Variants in ZDHHC4 observed in about 807,000 individuals in gnomAD.
The protein encoded by ZDHHC4 is palmitoyltransferase ZDHHC4.
Under a neutral mutation model 36.7 loss-of-function variants are expected in ZDHHC4, and 42 were observed. The observed-to-expected ratio is 1.14, with a 90% CI of 0.89 to 1.48. ZDHHC4 has a LOEUF of 1.48. ZDHHC4 is among the 40% of genes most tolerant of loss of function. The probability of loss-of-function intolerance (pLI) is 0.00; values close to 1 mark genes in which losing one functional copy is unlikely to be tolerated. For missense variants in ZDHHC4, 457 were observed against 421.5 expected (o/e 1.08, Z -0.74); for synonymous variants, 189 against 166.6 (o/e 1.13, Z -1.03).
At chr7:6,582,667 G>A (rs904512979) in intron 5 of ZDHHC4, among the ~76,000 whole-genome samples, 1 of 152,000 alleles carries the variant, frequency 6.6e-6, no homozygotes, top group Non-Finnish European at 1.5e-5. Flanking sequence ...ACAGGCGTGC[G>A]CCACCACACC....
chr7:6,581,889 G>A (rs1401528146), intron 4 of ZDHHC4, among the ~76,000 whole-genome samples, 184 bp from the exon 5 acceptor site: 1 of 152,164 alleles, frequency 6.6e-6, no homozygotes, highest in Non-Finnish European at 1.5e-5. Context: ...CTTTTAAAAA[G>A]CGATATTTAC....
At chr7:6,586,392 C>G (rs1781248364) in intron 7 of ZDHHC4, among the ~76,000 whole-genome samples, 1 of 152,170 alleles carries the variant, frequency 6.6e-6, no homozygotes, top group Non-Finnish European at 1.5e-5. Flanking sequence ...TAAATGGAAT[C>G]ATGCAATATA....
At chr7:6,584,924 C>G (rs1781125157) in intron 6 of ZDHHC4, 92 bp from the exon 7 acceptor site, 1 of 1,533,098 alleles carries the variant, frequency 6.5e-7, no homozygotes, top group Non-Finnish European at 8.8e-7. Context: ...GATGACACAT[C>G]CAGTGGACAG....
chr7:6,585,101 C>A lies in ZDHHC4; in HGVS notation c.582C>A (p.Phe194Leu). 1 of 1,614,132 alleles carries A rather than the reference C, an allele frequency of 6.2e-7. No individual in the cohort carries two copies. Among genetic ancestry groups the A allele is most frequent in the Non-Finnish European group, 8.5e-7 (1 of 1,180,026 alleles). ...TCGGGGCCTGGAACATCAGGTACTT[C>A]CTCATCTACGTCTTGACCTTGACGG... ...NCIGAWNIRY[F>L]LIYVLTLTAS... The change falls in exon 7 of 8, where the codon TTC becomes TTA. Residue 194 changes from phenylalanine (F) to leucine (L), a missense_variant. Physicochemically the swap from Phe to Leu is conservative, Grantham distance 22. Coordinates refer to ENST00000335965, the MANE Select transcript of ZDHHC4 (RefSeq NM_001134389.2).
At chr7:6,586,041 T>C (rs1313651465) in intron 7 of ZDHHC4, among the ~76,000 whole-genome samples, 1 of 151,712 alleles carries the variant, frequency 6.6e-6, no homozygotes, top group African/African-American at 2.4e-5. Context: ...TAGTCCCAGC[T>C]ACTCGGGAGG....
intron 7 of ZDHHC4, among the ~76,000 whole-genome samples, chr7:6,587,954 C>T (rs534882157): frequency 5.3e-5 from 8 of 152,330 alleles, no homozygotes; most frequent in Admixed American, 3.3e-4. Flanking sequence ...TAACCTTCAC[C>T]GCCCGGGTTG....
chr7:6,583,000 A>T (rs1562541872), intron 5 of ZDHHC4, among the ~76,000 whole-genome samples: 1 of 152,036 alleles, frequency 6.6e-6, no homozygotes, highest in Non-Finnish European at 1.5e-5. Context: ...GTGAAACCCC[A>T]TCTGTATTAA....
At chr7:6,586,918 C>G (rs1781282739) in intron 7 of ZDHHC4, among the ~76,000 whole-genome samples, 1 of 152,026 alleles carries the variant, frequency 6.6e-6, no homozygotes, top group African/African-American at 2.4e-5. Context: ...CATTCATGTA[C>G]AAGTTTTTTG....
At chr7:6,578,122 G>C (rs112137370) in intron 1 of ZDHHC4, among the ~76,000 whole-genome samples, 19 of 151,750 alleles carry the variant, frequency 1.3e-4, no homozygotes, top group African/African-American at 4.4e-4. Flanking sequence ...GAGCCACCGC[G>C]CCCGGCCTCT....
intron 4 of ZDHHC4, 138 bp downstream of exon 4, chr7:6,581,818 G>A (rs1204688295): frequency 1.3e-6 from 1 of 799,874 alleles, no homozygotes; most frequent in Non-Finnish European, 2.0e-6. Flanking sequence ...CACGAGTCCT[G>A]AGTTGGGAGC....
intron 6 of ZDHHC4, 118 bp downstream of exon 6, chr7:6,583,549 G>A (rs950072005): frequency 9.6e-6 from 13 of 1,351,978 alleles, no homozygotes; most frequent in Non-Finnish European, 1.3e-5. Context: ...GATATGGTGT[G>A]GCCACTACTT....
chr7:6,585,661 C>G (rs965101306), intron 7 of ZDHHC4, among the ~76,000 whole-genome samples: 1 of 151,404 alleles, frequency 6.6e-6, no homozygotes, highest in Non-Finnish European at 1.5e-5. Context: ...AAAAAATTAG[C>G]TGGGTGTGGT....
At chr7:6,583,107 G>A (rs1780976489) in intron 5 of ZDHHC4, among the ~76,000 whole-genome samples, 199 bp from the exon 6 acceptor site, 1 of 152,002 alleles carries the variant, frequency 6.6e-6, no homozygotes, top group Non-Finnish European at 1.5e-5. Context: ...CTGAACCTGA[G>A]AGGCAGAGGT....
chr7:6,578,006 T>C (rs897791435), intron 1 of ZDHHC4, among the ~76,000 whole-genome samples: 1 of 152,156 alleles, frequency 6.6e-6, no homozygotes, highest in African/African-American at 2.4e-5. Context: ...ATTTTTTTTG[T>C]ATTTAGTAGA....
intron 7 of ZDHHC4, among the ~76,000 whole-genome samples, chr7:6,585,770 C>T (rs560012619): frequency 6.6e-6 from 1 of 152,288 alleles, no homozygotes; most frequent in South Asian, 2.1e-4. Flanking sequence ...TGCACCACTG[C>T]ACTCCAGCCT....
intron 2 of ZDHHC4, among the ~76,000 whole-genome samples, chr7:6,579,741 G>A (rs1256477016): frequency 6.6e-6 from 1 of 152,218 alleles, no homozygotes; most frequent in Non-Finnish European, 1.5e-5. Context: ...TTCATGCCTG[G>A]GGGCAAGGAA....
rs1422526821 is a variant in ZDHHC4, at chr7:6,589,193, T to C, written c.*283T>C. 2.6e-5 allele frequency: 11 copies of C among 418,530 alleles called. No individual in the cohort carries two copies. The highest frequency in any genetic ancestry group is 4.0e-5 in the African/African-American group (2 of 50,072). The allele number at this position is 418,530 out of a possible 1,614,324, so 25.9% of individuals were successfully genotyped here. On this transcript the variant is annotated 3_prime_UTR_variant, in exon 8 of 8. Coordinates refer to ENST00000335965, the MANE Select transcript of ZDHHC4 (RefSeq NM_001134389.2). ...TTGGTGTCTCTAAACTCTGGGCATG[T>C]GGACAGGAGGGGCTTGCGGCCGTGT...
rs372308448 is a variant in ZDHHC4, at chr7:6,588,625, C to G, written c.750C>G (p.Phe250Leu). The G allele has an allele frequency of 1.7e-5, 28 of 1,613,968 alleles. No individual in the cohort carries two copies. The Admixed American group carries it at 2.3e-4, about 13-fold the overall frequency. Residue 250 changes from phenylalanine (F) to leucine (L), a missense_variant, in exon 8 of 8, where the codon TTC becomes TTG. By Grantham distance (22) the Phe-to-Leu change is conservative (BLOSUM62 0). Transcript: ENST00000335965. ...MDTVFLIQYL[F>L]LTFPRIVFML... Reference sequence around the variant, plus strand: ...CTTTTCTCTGCTCCTAGTACCTGTTCCTGACTTTTCCACGGATTGTCTTCA... The same window carrying G: ...CTTTTCTCTGCTCCTAGTACCTGTTGCTGACTTTTCCACGGATTGTCTTCA...
At chr7:6,581,556 G>A (rs1254829076) in intron 3 of ZDHHC4, 51 bp from the exon 4 acceptor site, 2 of 1,414,814 alleles carry the variant, frequency 1.4e-6, no homozygotes, top group Admixed American at 1.7e-5. Context: ...TTGTTTGGGA[G>A]TGGAGGAAGT....
Sources: allele counts gnomAD v4.1 joint callset (sites outside exome capture counted in the v4.1 genomes callset), GRCh38; gene constraint gnomAD v4.1.1; transcripts MANE v1.5; gene names NCBI Gene and HGNC (gene_info 2026-07-23, HGNC 2026-07-21).